Variants in SOX30 observed in about 807,000 individuals in gnomAD.
SOX30 encodes the protein SRY-box transcription factor 30.
SOX30 carries 17 observed loss-of-function variants against 58.6 expected under a neutral mutation model. The observed-to-expected ratio is 0.29, with a 90% CI of 0.20 to 0.44. The LOEUF (loss-of-function observed/expected upper bound fraction) is 0.44. Among genes scored for constraint, SOX30 ranks in the 20% least tolerant of loss-of-function variants. The probability of loss-of-function intolerance (pLI) is 1.00; values close to 1 mark genes in which losing one functional copy is unlikely to be tolerated. For synonymous variants in SOX30, 421 were observed against 400.2 expected, an observed-to-expected ratio of 1.05 and a Z score of -0.62; for missense variants, 951 against 965.8, an observed-to-expected ratio of 0.98 and a Z score of 0.20.
In SOX30 at chr5:157,639,854, G is replaced by A. The variant is rs139742423; in HGVS notation, c.1388-1132C>T. On this transcript the variant is annotated intron_variant, in intron 3 of 4. Transcript: ENST00000265007. ...GTGGATCTTTTCCCAGCCTCATTCA[G>A]GTGACTTCCCTCTCCTTTCTTTTCT... Among the ~76,000 whole-genome samples the A allele has an allele frequency of 8.3e-3, 1,270 of 152,294 alleles. 24 individuals are homozygous for A. The Middle Eastern group carries it at 0.1, about 12-fold the overall frequency.
chr5:157,635,543 G>C (rs4269277), intron 4 of SOX30, among the ~76,000 whole-genome samples: 10,964 of 152,086 alleles, frequency 0.072, 1,359 homozygotes, highest in African/African-American at 0.25. Context: ...AGAATTGCTT[G>C]AACCTGGAAG....
chr5:157,650,704 T>C (rs1413308455), intron 1 of SOX30, among the ~76,000 whole-genome samples: 2 of 152,246 alleles, frequency 1.3e-5, no homozygotes, highest in Non-Finnish European at 2.9e-5. Context: ...TTAATTATAA[T>C]CACTTTTTTC....
intron 1 of SOX30, chr5:157,667,943 A>G: frequency 1.5e-6 from 2 of 1,352,052 alleles, no homozygotes; most frequent in Non-Finnish European, 1.0e-6. Flanking sequence ...CCACAACAAC[A>G]CTTGTCAGGC....
chr5:157,631,905 TG>T (rs897212545), intron 4 of SOX30, among the ~76,000 whole-genome samples: 8 of 150,818 alleles, frequency 5.3e-5, no homozygotes, highest in African/African-American at 2.0e-4. Flanking sequence ...TAGCTGGGCA[TG>T]GTGGTGCACA....
At chr5:157,643,599 T>A (rs1422364771) in intron 3 of SOX30, among the ~76,000 whole-genome samples, 1 of 152,258 alleles carries the variant, frequency 6.6e-6, no homozygotes, top group South Asian at 2.1e-4. Context: ...GAGTCTATTA[T>A]CTACACCTGA....
chr5:157,637,255 C>T (rs1484765754), intron 4 of SOX30, among the ~76,000 whole-genome samples: 1 of 151,698 alleles, frequency 6.6e-6, no homozygotes, highest in Non-Finnish European at 1.5e-5. Context: ...TCCCTAGATA[C>T]TTCCCTATGA....
intron 4 of SOX30, among the ~76,000 whole-genome samples, chr5:157,627,191 A>G (rs1025091713): frequency 1.3e-5 from 2 of 152,044 alleles, no homozygotes; most frequent in African/African-American, 4.8e-5. Flanking sequence ...GTGAAACCCC[A>G]TCTCTACTAA....
At chr5:157,645,344 A>C (rs759731050) in intron 3 of SOX30, among the ~76,000 whole-genome samples, 18 of 152,222 alleles carry the variant, frequency 1.2e-4, no homozygotes, top group Non-Finnish European at 2.4e-4. Flanking sequence ...AAAATAGAAA[A>C]AGCAGGTTTA....
Position 157,651,628 on chromosome 5 carries a change from C to T in SOX30, c.451G>A (p.Gly151Arg), listed in dbSNP as rs774658502. ...KLGPSLDQSV[G>R]PRGAVETGPR... ...CCGGTTTCGACGGCCCCTCGAGGCC[C>T]CACTGACTGATCCAGGCTGGGCCCC... Residue 151 changes from glycine (G) to arginine (R), a missense_variant, in exon 1 of 5, where the codon GGG becomes AGG. This residue lies in a region of SOX30 where 363 missense variants were observed against 294.5 expected (regional missense o/e 1.23). Transcript: ENST00000265007. 11 of 1,612,606 alleles carry T rather than the reference C, an allele frequency of 6.8e-6. No homozygotes were observed. Among genetic ancestry groups the T allele is most frequent in the Non-Finnish European group, 9.3e-6 (11 of 1,179,842 alleles).
At chr5:157,633,934 T>C (rs1387309488) in intron 4 of SOX30, among the ~76,000 whole-genome samples, 4 of 152,128 alleles carry the variant, frequency 2.6e-5, no homozygotes, top group Non-Finnish European at 5.9e-5. Context: ...CCCTTGAATG[T>C]GAAAGCCCAA....
intron 2 of SOX30, among the ~76,000 whole-genome samples, chr5:157,666,539 A>G (rs1452880890): frequency 3.2e-4 from 48 of 150,786 alleles, no homozygotes; most frequent in Admixed American, 3.0e-3. Context: ...CTCAGTTCAA[A>G]TGAAATCTCA....
At chr5:157,646,517 T>C in intron 3 of SOX30, 120 bp downstream of exon 3, 2 of 754,388 alleles carry the variant, frequency 2.7e-6, no homozygotes, top group South Asian at 4.0e-5. Context: ...TTCCCTCTTC[T>C]TTTTTTCTTA....
At chr5:157,649,418 C>T (rs991030590) in intron 1 of SOX30, among the ~76,000 whole-genome samples, 4 of 152,122 alleles carry the variant, frequency 2.6e-5, no homozygotes, top group East Asian at 1.9e-4. Context: ...TATTTCACTA[C>T]GAAGGTGAAG....
chr5:157,628,308 T>C lies in SOX30; in HGVS notation c.1881-1587A>G, dbSNP rs561525634. On this transcript the variant is annotated intron_variant, in intron 4 of 4. Coordinates refer to ENST00000265007, the MANE Select transcript of SOX30 (RefSeq NM_178424.2). ...CATCTAGTGACAGATAACATAAACA[T>C]AATGACCATACTCATCGGCAAAACC... Among the ~76,000 whole-genome samples the C allele has an allele frequency of 2.2e-4, 33 of 151,292 alleles. 1 individual carries two copies. The South Asian group carries it at 6.7e-3, about 31-fold the overall frequency.
upstream of SOX30, among the ~76,000 whole-genome samples, chr5:157,654,742 C>A (rs1295980619): frequency 1.3e-5 from 2 of 152,154 alleles, no homozygotes; most frequent in Non-Finnish European, 2.9e-5. Flanking sequence ...CCACAAAAAC[C>A]AAGATGGTGA....
At chr5:157,643,349 G>A (rs923697458) in intron 3 of SOX30, among the ~76,000 whole-genome samples, 2 of 152,166 alleles carry the variant, frequency 1.3e-5, no homozygotes, top group East Asian at 1.9e-4. Flanking sequence ...GAACCCCGGA[G>A]GTGGAGGTTG....
intron 4 of SOX30, among the ~76,000 whole-genome samples, chr5:157,637,107 T>C (rs1236953319): frequency 1.7e-5 from 2 of 116,498 alleles, no homozygotes; most frequent in Admixed American, 1.2e-4. Context: ...CACTCCAGCC[T>C]GGGCAACAAG....
In SOX30 at chr5:157,652,301, C is replaced by T; in HGVS notation, c.-223G>A. ...CGGCTCTTCCTGGTCCCTACTCTCG[C>T]CTCGTGCTGAGTCCTCGAATCACCT... On this transcript the variant is annotated 5_prime_UTR_variant, in exon 1 of 5. Transcript: ENST00000265007. The T allele has an allele frequency of 8.1e-7, 1 of 1,235,186 alleles. No individual in the cohort carries two copies. Among genetic ancestry groups the T allele is most frequent in the Non-Finnish European group, 1.0e-6 (1 of 991,002 alleles). The allele number at this position is 1,235,186 out of a possible 1,614,324, so 76.5% of individuals were successfully genotyped here.
intron 4 of SOX30, among the ~76,000 whole-genome samples, chr5:157,632,046 CTAAA>C (rs1268544170): frequency 5.3e-5 from 1 of 18,948 alleles, no homozygotes; most frequent in African/African-American, 5.2e-4. Context: ...CACCCCGTAA[CTAAA>C]AAAAAAAAAA....
Sources: gnomAD v4.1 joint callset for allele counts (sites outside exome capture counted in the v4.1 genomes callset) on GRCh38, gnomAD v4.1.1 for gene constraint, gnomAD v4.1.1 regional missense constraint, MANE v1.5 for transcripts, NCBI Gene and HGNC (gene_info 2026-07-23, HGNC 2026-07-21) for gene names.